Variants in LINGO1 observed in about 807,000 individuals in gnomAD.
LINGO1 encodes the protein leucine-rich repeat and immunoglobulin-like domain-containing nogo receptor-interacting protein 1.
A neutral mutation model predicts 37.3 loss-of-function variants in LINGO1; 11 were observed. That is an observed-to-expected ratio of 0.29 (90% CI 0.19 to 0.49). The LOEUF (loss-of-function observed/expected upper bound fraction) is 0.49, where lower values mean the gene tolerates loss of function less well. LINGO1 is among the 20% of genes least tolerant of loss of function. The pLI is 0.99. For synonymous variants in LINGO1, 387 were observed against 403.0 expected (o/e 0.96, Z 0.48); for missense variants, 585 against 878.2 (o/e 0.67, Z 4.22).
intron 1 of LINGO1, among the ~76,000 whole-genome samples, chr15:77,815,686 A>C (rs2077042024): frequency 6.6e-6 from 1 of 151,996 alleles, no homozygotes; most frequent in Non-Finnish European, 1.5e-5. Flanking sequence ...GTGAATCCTG[A>C]GCCCTCGCCG....
intron 1 of LINGO1, among the ~76,000 whole-genome samples, chr15:77,764,077 C>T (rs1425911484): frequency 2.0e-5 from 3 of 152,192 alleles, no homozygotes; most frequent in East Asian, 1.9e-4. Flanking sequence ...GATCAAGTAA[C>T]GCATTTTCCC....
At chr15:77,772,494 T>C (rs1378271843) in intron 1 of LINGO1, among the ~76,000 whole-genome samples, 4 of 152,164 alleles carry the variant, frequency 2.6e-5, no homozygotes, top group Non-Finnish European at 5.9e-5. Flanking sequence ...GACTGCTCCC[T>C]GAGCAGTCGG....
At chr15:77,714,807 C>T (rs1198214217) in intron 2 of LINGO1, among the ~76,000 whole-genome samples, 2 of 152,232 alleles carry the variant, frequency 1.3e-5, no homozygotes, top group Non-Finnish European at 2.9e-5. Flanking sequence ...CGCGCCCACA[C>T]ACTCCACTTT....
rs868551107 is a variant in LINGO1 at position 77,614,501 on chromosome 15, T to C, written c.1406A>G (p.Lys469Arg). The C allele has an allele frequency of 2.5e-6, 4 of 1,610,766 alleles. 1 individual carries two copies. In the Middle Eastern group the frequency reaches 6.6e-4, roughly 266 times the overall value. The change falls in exon 2 of 2, where the codon AAG (lysine) becomes AGG (arginine). Residue 469 changes from lysine to arginine, a missense_variant. Transcript: ENST00000355300. ...GAAGACTGTGAGCCGCCCATTGCTCTTGGCTGAGACCAGGTGCTTTCGGGG... is the reference window on the plus strand; with the variant it reads ...GAAGACTGTGAGCCGCCCATTGCTCCTGGCTGAGACCAGGTGCTTTCGGGG... Reference protein sequence around the residue: ...LSPRKHLVSAKSNGRLTVFPD... With the variant: ...LSPRKHLVSARSNGRLTVFPD...
At chr15:77,642,815 T>C (rs552763743) in intron 3 of LINGO1, among the ~76,000 whole-genome samples, 4 of 152,338 alleles carry the variant, frequency 2.6e-5, no homozygotes, top group African/African-American at 9.6e-5. Context: ...AAAATTCTTA[T>C]CAAATACGCT....
chr15:77,627,229 T>A (rs560574706), intron 1 of LINGO1, among the ~76,000 whole-genome samples: 1 of 152,164 alleles, frequency 6.6e-6, no homozygotes, highest in Admixed American at 6.5e-5. Context: ...GAAATAGGCA[T>A]AATTATTCCG....
intron 2 of LINGO1, among the ~76,000 whole-genome samples, chr15:77,719,600 A>G (rs1175294314): frequency 2.7e-5 from 4 of 149,808 alleles, no homozygotes; most frequent in Non-Finnish European, 5.9e-5. Flanking sequence ...GAGACTCCAG[A>G]AGCCAGATTT....
chr15:77,792,174 C>T (rs972686090), intron 2 of LINGO1, among the ~76,000 whole-genome samples: 4 of 152,224 alleles, frequency 2.6e-5, no homozygotes, highest in African/African-American at 9.6e-5. Flanking sequence ...CGCTCCACCC[C>T]TGTTCCTCGG....
chr15:77,741,925 T>C (rs2076268398), intron 1 of LINGO1, among the ~76,000 whole-genome samples: 1 of 152,154 alleles, frequency 6.6e-6, no homozygotes, highest in African/African-American at 2.4e-5. Context: ...AGAGGAATCC[T>C]TGGTTCAGAT....
chr15:77,654,390 G>T (rs1390907693), intron 3 of LINGO1, among the ~76,000 whole-genome samples: 1 of 152,168 alleles, frequency 6.6e-6, no homozygotes, highest in Non-Finnish European at 1.5e-5. Context: ...GTAAGTGAGT[G>T]GCAAAGTTAA....
intron 1 of LINGO1, among the ~76,000 whole-genome samples, chr15:77,817,119 A>T (rs2077055200): frequency 6.6e-6 from 1 of 152,206 alleles, no homozygotes; most frequent in African/African-American, 2.4e-5. Context: ...GCCAGGATCC[A>T]GCAGGCCCAG....
At chr15:77,656,994 T>C (rs1415324655) in intron 3 of LINGO1, among the ~76,000 whole-genome samples, 5 of 152,184 alleles carry the variant, frequency 3.3e-5, no homozygotes, top group Admixed American at 3.3e-4. Context: ...CACAGGACAC[T>C]GCCCCTTCAT....
chr15:77,791,697 C>T (rs545395516), upstream of LINGO1, among the ~76,000 whole-genome samples: 6 of 152,192 alleles, frequency 3.9e-5, no homozygotes, highest in South Asian at 6.2e-4. Context: ...TGGCCTGCTC[C>T]AGACTCACCA....
intron 3 of LINGO1, among the ~76,000 whole-genome samples, chr15:77,661,807 A>G (rs2075000043): frequency 2.0e-5 from 3 of 152,216 alleles, no homozygotes. Context: ...GGGACAGGCC[A>G]GCCCTCTACC....
In LINGO1 at chr15:77,794,373, CGTAT is replaced by C. The variant is rs1567588165; in HGVS notation, c.-343+1562_-343+1565del. ...ATACGTATATATGTGTATATACATA[CGTAT>C]ATGTATATACATACATATATACGTA... is the stretch of plus-strand genomic sequence containing the variant. On this transcript the variant is annotated intron_variant, in intron 2 of 5. Coordinates refer to the LINGO1 transcript ENST00000562933. 8.0e-5 allele frequency among the ~76,000 whole-genome samples: 5 copies of C among 62,736 alleles called. No homozygotes were observed. The South Asian group carries it at 1.5e-3, about 19-fold the overall frequency. 41.2% of individuals were successfully genotyped at this position (62,736 alleles called of 152,430 possible).
intron 3 of LINGO1, among the ~76,000 whole-genome samples, chr15:77,642,214 C>G (rs1208574884): frequency 6.6e-6 from 1 of 152,188 alleles, no homozygotes; most frequent in Non-Finnish European, 1.5e-5. Context: ...GAGTCCAGGA[C>G]AGCAGTGGGA....
rs116169630 is a variant in LINGO1 at position 77,682,718 on chromosome 15, C to T, written c.-98-5544G>A. 5.1e-3 allele frequency among the ~76,000 whole-genome samples: 774 copies of T among 152,204 alleles called. 6 individuals are homozygous for T. The highest frequency in any genetic ancestry group is 0.018 in the African/African-American group (745 of 41,506). On this transcript the variant is annotated intron_variant, in intron 2 of 3. Transcript: ENST00000559893. ...ACAAAGGTCTCAGCTGCTTCCTATC[C>T]TCCTGCCTGCAGTCCCCCAGCCACC...
At chr15:77,795,229 A>C (rs2076863458) in intron 2 of LINGO1, among the ~76,000 whole-genome samples, 1 of 152,158 alleles carries the variant, frequency 6.6e-6, no homozygotes. Context: ...CAAGCCAGGC[A>C]GCAACCCAGG....
chr15:77,676,131 C>T (rs974674555), intron 3 of LINGO1, among the ~76,000 whole-genome samples: 1 of 152,236 alleles, frequency 6.6e-6, no homozygotes, highest in African/African-American at 2.4e-5. Context: ...GGTCTCTGTC[C>T]TAGGGACAGC....
Sources: gnomAD v4.1 joint callset for allele counts (sites outside exome capture counted in the v4.1 genomes callset) on GRCh38, gnomAD v4.1.1 for gene constraint, MANE v1.5 for transcripts, NCBI Gene and HGNC (gene_info 2026-07-23, HGNC 2026-07-21) for gene names.